Variants in AFF2 observed in about 807,000 individuals in gnomAD.
AFF2 encodes ALF transcription elongation factor 2.
AFF2 carries 14 observed loss-of-function variants against 76.9 expected under a neutral mutation model. The ratio of observed to expected loss-of-function variants is 0.18; its 90% CI spans 0.12 to 0.28. AFF2 has a LOEUF of 0.28. Ranked by LOEUF, AFF2 falls within the 10% of genes least tolerant of loss-of-function variation. The probability of loss-of-function intolerance (pLI) is 1.00; values close to 1 mark genes in which losing one functional copy is unlikely to be tolerated. For missense variants in AFF2, 868 were observed against 1,001.1 expected (o/e 0.87, Z 1.79); for synonymous variants, 398 against 366.7 (o/e 1.09, Z -0.98).
chrX:148,849,100 A>G (rs1557275046), intron 7 of AFF2, among the ~76,000 whole-genome samples: 1 of 111,328 alleles, frequency 9.0e-6, no homozygotes, highest in African/African-American at 3.3e-5. Context: ...TGGCATTTGG[A>G]ATGTTTGCAT....
chrX:148,698,048 T>C (rs1557261473), intron 3 of AFF2, among the ~76,000 whole-genome samples: 1 of 112,457 alleles, frequency 8.9e-6, no homozygotes, highest in Non-Finnish European at 1.9e-5. Context: ...CATGTATAAT[T>C]GTATTATGGC....
At chrX:148,983,965 A>AAAAAAAAC (rs1438744109) in intron 19 of AFF2, among the ~76,000 whole-genome samples, 3 of 99,796 alleles carry the variant, frequency 3.0e-5, no homozygotes, top group Admixed American at 1.1e-4. Context: ...AAAAAAAAAA[A>AAAAAAAAC]AAACTGCCCT....
chrX:148,932,998 T>C (rs1330429723), intron 9 of AFF2, among the ~76,000 whole-genome samples: 1 of 112,005 alleles, frequency 8.9e-6, no homozygotes, highest in African/African-American at 3.2e-5. Context: ...TATTGGAAGG[T>C]GATAAATATT....
intron 4 of AFF2, among the ~76,000 whole-genome samples, chrX:148,825,964 C>T (rs1048146078): frequency 1.9e-4 from 21 of 109,152 alleles, no homozygotes; most frequent in South Asian, 4.1e-4. Context: ...GAGTGTGTTG[C>T]GGGTGGGGTA....
intron 1 of AFF2, among the ~76,000 whole-genome samples, chrX:148,551,623 G>A (rs2052993644): frequency 9.1e-6 from 1 of 110,450 alleles, no homozygotes; most frequent in Non-Finnish European, 1.9e-5. Flanking sequence ...TATTGCAAAG[G>A]TCCCATTCAA....
intron 7 of AFF2, among the ~76,000 whole-genome samples, chrX:148,875,211 C>T: frequency 8.9e-6 from 1 of 112,171 alleles, no homozygotes; most frequent in Non-Finnish European, 1.9e-5. Context: ...CCTTCTAAAA[C>T]AATCCTCATT....
chrX:148,544,581 T>G (rs1557237916), intron 1 of AFF2, among the ~76,000 whole-genome samples: 1 of 112,536 alleles, frequency 8.9e-6, no homozygotes, highest in Non-Finnish European at 1.9e-5. Flanking sequence ...TCCTACATGT[T>G]GATTGTTAAT....
intron 1 of AFF2, among the ~76,000 whole-genome samples, chrX:148,513,087 G>A (rs1452117164): frequency 8.9e-6 from 1 of 112,087 alleles, no homozygotes; most frequent in Non-Finnish European, 1.9e-5. Flanking sequence ...TTTATATATT[G>A]CTGAACGATT....
At chrX:148,535,643 G>T (rs782560476) in intron 1 of AFF2, among the ~76,000 whole-genome samples, 2 of 112,163 alleles carry the variant, frequency 1.8e-5, no homozygotes, top group East Asian at 2.8e-4. Context: ...ATTAACATTT[G>T]TTAATTCTTA....
chrX:148,631,481 C>T (rs1226606680), intron 1 of AFF2, among the ~76,000 whole-genome samples: 1 of 111,800 alleles, frequency 8.9e-6, no homozygotes, highest in African/African-American at 3.3e-5. Flanking sequence ...CAAATTCAGA[C>T]AGTTTGGTAC....
At chrX:148,645,669 T>C (rs1234161557) in intron 1 of AFF2, among the ~76,000 whole-genome samples, 1 of 112,506 alleles carries the variant, frequency 8.9e-6, no homozygotes, top group African/African-American at 3.2e-5. Flanking sequence ...GTCAAAATAA[T>C]TTTGTCCAAA....
intron 3 of AFF2, among the ~76,000 whole-genome samples, chrX:148,694,749 A>G (rs1456245964): frequency 9.1e-6 from 1 of 110,131 alleles, no homozygotes; most frequent in Non-Finnish European, 1.9e-5. Flanking sequence ...ATTTATGTTT[A>G]CATTTTAAAT....
At chrX:148,685,930 ATC>A in intron 3 of AFF2, among the ~76,000 whole-genome samples, 1 of 104,065 alleles carries the variant, frequency 9.6e-6, no homozygotes, top group African/African-American at 3.5e-5. Context: ...CTCTCTCTCT[ATC>A]TCTCTCTCAC....
chrX:148,567,901 G>C (rs1267603779), intron 1 of AFF2, among the ~76,000 whole-genome samples: 1 of 111,652 alleles, frequency 9.0e-6, no homozygotes, highest in Non-Finnish European at 1.9e-5. Flanking sequence ...TGATCAGGAG[G>C]AGCGAGGTGT....
intron 3 of AFF2, 57 bp downstream of exon 3, chrX:148,662,825 C>T: frequency 9.1e-7 from 1 of 1,099,935 alleles, no homozygotes; most frequent in Non-Finnish European, 1.2e-6. Context: ...TCTGCTCTAA[C>T]CTCTATAATC....
intron 1 of AFF2, among the ~76,000 whole-genome samples, chrX:148,558,454 C>T (rs976271271): frequency 1.8e-5 from 2 of 111,185 alleles, no homozygotes; most frequent in Non-Finnish European, 3.8e-5. Flanking sequence ...TTGTTCTATT[C>T]GCAGCTAGTT....
At chrX:148,528,553 T>C (rs1190630638) in intron 1 of AFF2, among the ~76,000 whole-genome samples, 1 of 111,161 alleles carries the variant, frequency 9.0e-6, no homozygotes, top group East Asian at 2.8e-4. Context: ...AGAGTGGAAA[T>C]TGGGGCTAGG....
chrX:148,699,999 G>A (rs57173394), intron 3 of AFF2, among the ~76,000 whole-genome samples: 4,168 of 111,354 alleles, frequency 0.037, 221 homozygotes, highest in African/African-American at 0.13. Flanking sequence ...TTTACAAATG[G>A]GATGTGATTT....
intron 8 of AFF2, among the ~76,000 whole-genome samples, chrX:148,887,166 G>A (rs1473790375): frequency 3.5e-5 from 4 of 112,821 alleles, no homozygotes; most frequent in African/African-American, 1.3e-4. Flanking sequence ...AACAACCACA[G>A]GGTAAGTGCA....
Sources: gnomAD v4.1 joint callset for allele counts (sites outside exome capture counted in the v4.1 genomes callset) on GRCh38, gnomAD v4.1.1 for gene constraint, MANE v1.5 for transcripts, NCBI Gene and HGNC (gene_info 2026-07-23, HGNC 2026-07-21) for gene names.